SMYD3: variants seen among roughly 807,000 people sequenced by gnomAD.
SMYD3 encodes histone-lysine N-methyltransferase SMYD3.
SMYD3 carries 36 observed loss-of-function variants against 57.7 expected under a neutral mutation model. The ratio of observed to expected loss-of-function variants is 0.62; its 90% CI spans 0.48 to 0.82. The LOEUF (loss-of-function observed/expected upper bound fraction) is 0.82, where lower values mean the gene tolerates loss of function less well. Ranked by LOEUF, SMYD3 falls within the 40% of genes least tolerant of loss-of-function variation. The probability of loss-of-function intolerance (pLI) is 0.00; values close to 1 mark genes in which losing one functional copy is unlikely to be tolerated. For missense variants in SMYD3, 515 were observed against 538.8 expected (o/e 0.96, Z 0.44); for synonymous variants, 211 against 195.0 (o/e 1.08, Z -0.68).
At chr1:246,096,865 A>G (rs921981365) in intron 5 of SMYD3, among the ~76,000 whole-genome samples, 1 of 152,202 alleles carries the variant, frequency 6.6e-6, no homozygotes, top group Non-Finnish European at 1.5e-5. Context: ...CCACCAAATG[A>G]TCTGTCCATC....
chr1:246,289,024 A>T (rs1168534099), intron 5 of SMYD3, among the ~76,000 whole-genome samples: 1 of 152,174 alleles, frequency 6.6e-6, no homozygotes, highest in Non-Finnish European at 1.5e-5. Context: ...GTGAGGCAGG[A>T]GAATCGCTTG....
At chr1:245,797,951 T>C (rs1481555731) in intron 10 of SMYD3, among the ~76,000 whole-genome samples, 3 of 152,120 alleles carry the variant, frequency 2.0e-5, no homozygotes, top group Non-Finnish European at 2.9e-5. Context: ...CAATATGGGT[T>C]TGAGGATGCT....
At chr1:245,863,655 G>A (rs2051672985) in intron 9 of SMYD3, 144 bp downstream of exon 9, 4 of 678,066 alleles carry the variant, frequency 5.9e-6, no homozygotes, top group East Asian at 2.8e-5. Flanking sequence ...AGGGTCGGAG[G>A]TGCGGCCTGT....
intron 1 of SMYD3, among the ~76,000 whole-genome samples, chr1:246,391,764 T>C (rs886587237): frequency 3.9e-5 from 6 of 152,164 alleles, no homozygotes; most frequent in African/African-American, 1.4e-4. Context: ...TTCTGAGCAT[T>C]AAAGATCCAG....
At chr1:246,345,201 CT>C (rs2065693442) in intron 2 of SMYD3, among the ~76,000 whole-genome samples, 4 of 152,148 alleles carry the variant, frequency 2.6e-5, no homozygotes. Context: ...TAGTTTTAGC[CT>C]TTAAGTTTAA....
chr1:245,945,344 A>G (rs1338605459), intron 5 of SMYD3, among the ~76,000 whole-genome samples: 1 of 152,238 alleles, frequency 6.6e-6, no homozygotes. Context: ...ACTTCTCAAA[A>G]GAAGACATTT....
In SMYD3 at chr1:245,945,377, A is replaced by C. The variant is rs1005217620; in HGVS notation, c.532-15440T>G. On this transcript the variant is annotated intron_variant, in intron 5 of 11. Coordinates refer to ENST00000490107, the MANE Select transcript of SMYD3 (RefSeq NM_001167740.2). ...TTTATGCTGCCAACAAACATGAAAA[A>C]AAGCTCAACATCACTGATCAGAGAA... 1.5e-4 allele frequency among the ~76,000 whole-genome samples: 23 copies of C among 152,226 alleles called. 1 individual carries two copies. Among genetic ancestry groups the C allele is most frequent in the Non-Finnish European group, 5.9e-5 (4 of 68,038 alleles).
At chr1:246,391,840 C>G (rs1309730294) in intron 1 of SMYD3, among the ~76,000 whole-genome samples, 1 of 152,140 alleles carries the variant, frequency 6.6e-6, no homozygotes, top group African/African-American at 2.4e-5. Flanking sequence ...ATTCCCAACT[C>G]CTATCAGCAC....
At chr1:246,349,903 G>A (rs1018510286) in intron 2 of SMYD3, among the ~76,000 whole-genome samples, 20 of 152,050 alleles carry the variant, frequency 1.3e-4, no homozygotes, top group Admixed American at 1.3e-4. Flanking sequence ...AAACAGATAC[G>A]ATAAATATTA....
intron 5 of SMYD3, among the ~76,000 whole-genome samples, chr1:246,252,262 T>TTTAGTAGGTGCCTCGGACACTGC (rs2063809672): frequency 4.1e-5 from 5 of 122,224 alleles, no homozygotes; most frequent in East Asian, 3.9e-4. Context: ...TCGGACACTG[T>TTTAGTAGGTGCCTCGGACACTGC]GCCCGGCTTT....
intron 5 of SMYD3, among the ~76,000 whole-genome samples, chr1:246,247,246 T>C (rs1474799445): frequency 6.6e-6 from 1 of 150,922 alleles, no homozygotes; most frequent in Non-Finnish European, 1.5e-5. Flanking sequence ...TGAAAGCATG[T>C]GTGCAAGTAC....
chr1:245,893,685 T>C (rs1057086478), intron 8 of SMYD3, among the ~76,000 whole-genome samples: 16 of 151,632 alleles, frequency 1.1e-4, no homozygotes, highest in African/African-American at 3.9e-4. Flanking sequence ...GTGCTGGGAG[T>C]GGGGTATAGA....
chr1:246,191,919 G>A (rs748976159), intron 5 of SMYD3, among the ~76,000 whole-genome samples: 25 of 152,122 alleles, frequency 1.6e-4, no homozygotes, highest in Non-Finnish European at 2.6e-4. Flanking sequence ...TTCAGCAATC[G>A]GTTATTCTGA....
intron 5 of SMYD3, among the ~76,000 whole-genome samples, chr1:246,156,701 T>G (rs972680281): frequency 6.6e-6 from 1 of 152,140 alleles, no homozygotes; most frequent in East Asian, 1.9e-4. Flanking sequence ...TCCTAAAATA[T>G]CTACAAGGTG....
chr1:245,756,643 A>T (rs997626073), intron 11 of SMYD3, among the ~76,000 whole-genome samples: 4 of 151,930 alleles, frequency 2.6e-5, no homozygotes, highest in Non-Finnish European at 5.9e-5. Context: ...TCTAAGGGCA[A>T]CCCAAGCTTT....
intron 1 of SMYD3, among the ~76,000 whole-genome samples, chr1:246,486,094 C>T (rs908536200): frequency 2.0e-5 from 3 of 152,200 alleles, no homozygotes; most frequent in Non-Finnish European, 4.4e-5. Context: ...CCAGGCTTTA[C>T]GCTGGATGCT....
intron 5 of SMYD3, among the ~76,000 whole-genome samples, chr1:245,971,937 A>G (rs1251546972): frequency 2.6e-5 from 4 of 152,170 alleles, no homozygotes; most frequent in African/African-American, 7.2e-5. Flanking sequence ...TTCAAACTCC[A>G]AAGCCCAGCT....
chr1:246,337,584 G>C (rs904631000), intron 2 of SMYD3, among the ~76,000 whole-genome samples: 5 of 152,190 alleles, frequency 3.3e-5, no homozygotes, highest in African/African-American at 7.2e-5. Context: ...CTCATGGACA[G>C]AGCGTGTAGG....
chr1:246,452,663 A>G (rs1475616331), intron 1 of SMYD3, among the ~76,000 whole-genome samples: 1 of 152,190 alleles, frequency 6.6e-6, no homozygotes, highest in Non-Finnish European at 1.5e-5. Context: ...CTCTACTCAT[A>G]CAAGCAACCA....
Sources: allele counts gnomAD v4.1 joint callset (sites outside exome capture counted in the v4.1 genomes callset), GRCh38; gene constraint gnomAD v4.1.1; transcripts MANE v1.5; gene names NCBI Gene and HGNC (gene_info 2026-07-23, HGNC 2026-07-21).